Variants in GRM7 observed in about 807,000 individuals in gnomAD.
GRM7 encodes glutamate metabotropic receptor 7.
GRM7 carries 35 observed loss-of-function variants against 84.5 expected under a neutral mutation model. That is an observed-to-expected ratio of 0.41 (90% confidence interval 0.32 to 0.55). The LOEUF is 0.55. Among genes scored for constraint, GRM7 ranks in the 20% least tolerant of loss-of-function variants. GRM7 has a pLI of 0.19. For synonymous variants in GRM7, 487 were observed against 455.1 expected, an observed-to-expected ratio of 1.07 and a Z score of -0.89; for missense variants, 1,003 against 1,194.6, an observed-to-expected ratio of 0.84 and a Z score of 2.36.
In GRM7 at chr3:7,156,956, G is replaced by GA. The variant is rs796215555; in HGVS notation, c.736+10300dup. ...TAGACCAACGTGGGATACTTAAGCAGAAAAAAAAAAAATCAGAATTCTTTG... is the reference window on the plus strand; with the variant it reads ...TAGACCAACGTGGGATACTTAAGCAGAAAAAAAAAAAAATCAGAATTCTTTG... On this transcript the variant is annotated intron_variant, in intron 2 of 9. Coordinates refer to ENST00000357716, the MANE Select transcript of GRM7 (RefSeq NM_000844.4). Among the ~76,000 whole-genome samples the GA allele has an allele frequency of 2.1e-3, 292 of 138,946 alleles. 3 individuals carry two copies. Among genetic ancestry groups the GA allele is most frequent in the African/African-American group, 2.6e-3 (100 of 38,260 alleles). The allele number at this position is 138,946 out of a possible 152,430, so 91.2% of individuals were successfully genotyped here.
chr3:7,411,887 A>G (rs184472145), intron 4 of GRM7, among the ~76,000 whole-genome samples: 1 of 152,046 alleles, frequency 6.6e-6, no homozygotes, highest in East Asian at 1.9e-4. Context: ...TATTTTTTAA[A>G]ATTTTTGTAC....
chr3:7,197,492 A>G lies in GRM7; in HGVS notation c.736+50824A>G, dbSNP rs560622655. On this transcript the variant is annotated intron_variant, in intron 2 of 9. Coordinates refer to ENST00000357716, the MANE Select transcript of GRM7 (RefSeq NM_000844.4). The stretch of plus-strand genomic sequence containing the variant: ...CCCAAAGCTGTGATCACTGGATTCA[A>G]GCAATACTCTTTATCCTGACATGTT... Among the ~76,000 whole-genome samples the G allele has an allele frequency of 8.4e-4, 128 of 152,256 alleles. 1 individual carries two copies. Among genetic ancestry groups the G allele is most frequent in the Admixed American group, 1.5e-3 (23 of 15,274 alleles).
chr3:6,976,443 GC>G (rs1339420916), intron 1 of GRM7, among the ~76,000 whole-genome samples: 1 of 152,182 alleles, frequency 6.6e-6, no homozygotes, highest in Non-Finnish European at 1.5e-5. Context: ...GGGAGGCCCT[GC>G]ATCCCACTTT....
chr3:7,324,449 C>T (rs961877285), intron 4 of GRM7, among the ~76,000 whole-genome samples: 1 of 152,266 alleles, frequency 6.6e-6, no homozygotes, highest in African/African-American at 2.4e-5. Flanking sequence ...CTGACCTCAG[C>T]CCAGTTCTAT....
At chr3:6,894,077 C>A (rs1245902916) in intron 1 of GRM7, 1 of 152,108 alleles carries the variant, frequency 6.6e-6, no homozygotes, top group Non-Finnish European at 1.5e-5. Context: ...TTCAAAAGTT[C>A]AACCACTATA....
chr3:7,648,979 GT>G (rs59361791), intron 8 of GRM7, among the ~76,000 whole-genome samples: 10,701 of 152,060 alleles, frequency 0.07, 1,255 homozygotes, highest in African/African-American at 0.24. Context: ...AGCACTCATT[GT>G]TTCCCCCCAG....
At chr3:6,938,021 G>A (rs898999284) in intron 1 of GRM7, among the ~76,000 whole-genome samples, 1 of 152,152 alleles carries the variant, frequency 6.6e-6, no homozygotes, top group Non-Finnish European at 1.5e-5. Flanking sequence ...TGGCTATGAT[G>A]ACACAATTAC....
At chr3:7,431,921 T>C (rs1559317185) in intron 5 of GRM7, among the ~76,000 whole-genome samples, 1 of 126,180 alleles carries the variant, frequency 7.9e-6, no homozygotes. Flanking sequence ...CCTAGCAGGA[T>C]GTTTTTTTAT....
At chr3:7,613,553 C>G (rs905098017) in intron 8 of GRM7, among the ~76,000 whole-genome samples, 2 of 152,166 alleles carry the variant, frequency 1.3e-5, no homozygotes, top group East Asian at 3.9e-4. Context: ...ATCTTCCCAA[C>G]GTACAGAGTT....
intron 7 of GRM7, among the ~76,000 whole-genome samples, chr3:7,514,400 T>C (rs1700307336): frequency 6.6e-6 from 1 of 152,202 alleles, no homozygotes; most frequent in Non-Finnish European, 1.5e-5. Flanking sequence ...AATCTCAAAA[T>C]ACCTATATCT....
At chr3:7,098,702 G>A (rs2125017008) in intron 1 of GRM7, among the ~76,000 whole-genome samples, 1 of 151,998 alleles carries the variant, frequency 6.6e-6, no homozygotes, top group East Asian at 1.9e-4. Context: ...ATTTTTCGGT[G>A]CCATTTATAA....
intron 9 of GRM7, among the ~76,000 whole-genome samples, chr3:7,688,065 G>A (rs1047416092): frequency 5.3e-5 from 8 of 151,982 alleles, no homozygotes; most frequent in East Asian, 3.9e-4. Flanking sequence ...GTCTTTTTAC[G>A]TGAGACTGAC....
chr3:6,942,412 C>T (rs922148644), intron 1 of GRM7, among the ~76,000 whole-genome samples: 4 of 152,072 alleles, frequency 2.6e-5, no homozygotes, highest in African/African-American at 9.7e-5. Context: ...AAAACTTCCT[C>T]CTGTGTCTTC....
chr3:7,372,154 G>A, intron 4 of GRM7, among the ~76,000 whole-genome samples: 1 of 152,136 alleles, frequency 6.6e-6, no homozygotes, highest in East Asian at 1.9e-4. Flanking sequence ...ACTGTGGGAA[G>A]GAGCTCCTGC....
chr3:6,913,879 C>T (rs1448300522), intron 1 of GRM7, among the ~76,000 whole-genome samples: 5 of 152,098 alleles, frequency 3.3e-5, no homozygotes, highest in East Asian at 1.9e-4. Flanking sequence ...GCCTTCTTGG[C>T]GTGCCATGCC....
At chr3:7,571,641 G>T (rs1019108930) in intron 7 of GRM7, among the ~76,000 whole-genome samples, 1 of 152,126 alleles carries the variant, frequency 6.6e-6, no homozygotes, top group Non-Finnish European at 1.5e-5. Context: ...ACATTTTCCT[G>T]TCTTCTTCTG....
chr3:7,469,936 A>C (rs1358193857), intron 7 of GRM7, among the ~76,000 whole-genome samples: 1 of 152,196 alleles, frequency 6.6e-6, no homozygotes. Flanking sequence ...ACTTGCCAAT[A>C]TTTTAAATGT....
At chr3:6,959,635 T>C (rs1480627940) in intron 1 of GRM7, among the ~76,000 whole-genome samples, 3 of 152,182 alleles carry the variant, frequency 2.0e-5, no homozygotes, top group South Asian at 2.1e-4. Context: ...GCAGTTACCA[T>C]GTTTAGTTAC....
chr3:7,281,280 T>C (rs540383460), intron 2 of GRM7, among the ~76,000 whole-genome samples: 3 of 151,958 alleles, frequency 2.0e-5, no homozygotes, highest in East Asian at 3.9e-4. Context: ...GTAAATCTAT[T>C]TTTTTTGCAG....
Sources: allele counts gnomAD v4.1 joint callset (sites outside exome capture counted in the v4.1 genomes callset), GRCh38; gene constraint gnomAD v4.1.1; transcripts MANE v1.5; gene names NCBI Gene and HGNC (gene_info 2026-07-23, HGNC 2026-07-21).